The following RPS6KA2 variants were observed in gnomAD, a reference collection of about 807,000 sequenced individuals.
The protein encoded by RPS6KA2 is ribosomal protein S6 kinase A2.
A neutral mutation model predicts 91.8 loss-of-function variants in RPS6KA2; 42 were observed. The observed-to-expected ratio is 0.46, with a 90% CI of 0.36 to 0.59. The LOEUF (loss-of-function observed/expected upper bound fraction) is 0.59, where lower values mean the gene tolerates loss of function less well. Ranked by LOEUF, RPS6KA2 falls within the 20% of genes least tolerant of loss-of-function variation. The probability of loss-of-function intolerance (pLI) is 0.00; values close to 1 mark genes in which losing one functional copy is unlikely to be tolerated. For missense variants in RPS6KA2, 798 were observed against 978.5 expected, an observed-to-expected ratio of 0.82 and a Z score of 2.46; for synonymous variants, 414 against 393.6, an observed-to-expected ratio of 1.05 and a Z score of -0.61.
At chr6:166,628,214 C>T (rs9356495), upstream of RPS6KA2, among the ~76,000 whole-genome samples, 50,257 of 151,274 alleles carry the variant, frequency 0.33, 9,049 homozygotes, top group African/African-American at 0.47. Flanking sequence ...ACACTTTTTT[C>T]TTTTTTTTCC....
chr6:166,678,416 C>T (rs1788680162), intron 2 of RPS6KA2, among the ~76,000 whole-genome samples: 1 of 152,266 alleles, frequency 6.6e-6, no homozygotes, highest in African/African-American at 2.4e-5. Flanking sequence ...AGGTTGCCTT[C>T]TACAACAGCT....
At chr6:166,455,204 G>T (rs1320030346) in intron 12 of RPS6KA2, among the ~76,000 whole-genome samples, 1 of 152,142 alleles carries the variant, frequency 6.6e-6, no homozygotes, top group Non-Finnish European at 1.5e-5. Flanking sequence ...TGCGGCAGGT[G>T]TGTGGGGGTG....
rs1053773428 is a variant in RPS6KA2 at position 166,586,309 on chromosome 6, G to A, written c.99+40612C>T. ...CTGAACTGTCTGTTGTCTTGCAACC[G>A]ATTGCCTCTGTTTCTTTGGTTCCCA... On this transcript the variant is annotated intron_variant, in intron 1 of 20. Coordinates refer to ENST00000265678, the MANE Select transcript of RPS6KA2 (RefSeq NM_021135.6). The A allele has an allele frequency of 2.0e-5, 32 of 1,598,970 alleles. No homozygotes were observed. In the South Asian group the frequency reaches 2.2e-4, roughly 11 times the overall value.
intron 11 of RPS6KA2, among the ~76,000 whole-genome samples, chr6:166,461,513 A>AGAGAGATGGG (rs202187372): frequency 1.8e-5 from 2 of 112,486 alleles, no homozygotes; most frequent in Admixed American, 9.0e-5. Flanking sequence ...AGAGAGAGAG[A>AGAGAGATGGG]GAGAGATGGG....
rs1033872244 is a variant in RPS6KA2 at position 166,409,444 on chromosome 6, T to C, written c.*3318A>G. 2.6e-5 allele frequency: 4 copies of C among 152,398 alleles called. No homozygotes were observed. In the East Asian group the frequency reaches 7.7e-4, roughly 29 times the overall value. 9.4% of individuals were successfully genotyped at this position (152,398 alleles called of 1,614,324 possible). On this transcript the variant is annotated 3_prime_UTR_variant, in exon 21 of 21. Coordinates refer to ENST00000265678, the MANE Select transcript of RPS6KA2 (RefSeq NM_021135.6). ...ATCTATTCAGAAAGTCTGGAAAGCG[T>C]AATAAATATCTGTACAGTGGCCACC... is the stretch of plus-strand genomic sequence containing the variant.
chr6:166,660,557 C>T (rs932234532), intron 2 of RPS6KA2, among the ~76,000 whole-genome samples: 1 of 152,084 alleles, frequency 6.6e-6, no homozygotes, highest in African/African-American at 2.4e-5. Context: ...CAGCTCCTGC[C>T]TCATAAGGAT....
chr6:166,808,000 A>G (rs892168546), intron 2 of RPS6KA2, among the ~76,000 whole-genome samples: 3 of 151,732 alleles, frequency 2.0e-5, no homozygotes, highest in Non-Finnish European at 4.4e-5. Context: ...CCATGGCTCC[A>G]CTGATGCACC....
intron 14 of RPS6KA2, among the ~76,000 whole-genome samples, chr6:166,446,760 C>T (rs1217929981): frequency 6.6e-6 from 1 of 152,168 alleles, no homozygotes; most frequent in South Asian, 2.1e-4. Flanking sequence ...AAGGGCACCG[C>T]GGCTGCTGGG....
At chr6:166,566,639 G>T (rs1260078945) in intron 1 of RPS6KA2, among the ~76,000 whole-genome samples, 1 of 152,162 alleles carries the variant, frequency 6.6e-6, no homozygotes, top group East Asian at 1.9e-4. Flanking sequence ...AGGCCCATGG[G>T]TCTCTCACAC....
intron 2 of RPS6KA2, among the ~76,000 whole-genome samples, chr6:166,638,718 G>A (rs1787327447): frequency 6.6e-6 from 1 of 152,170 alleles, no homozygotes; most frequent in Admixed American, 6.5e-5. Flanking sequence ...GGGTCCCAGG[G>A]GACGTCTGGC....
In RPS6KA2 at chr6:166,788,327, C is replaced by T. The variant is rs541676083; in HGVS notation, c.123+69873G>A. ...GAAATATCATTTGACCCAGCAATCCCATTACTGGGTATAGACCCAAAGGAT... is the reference window on the plus strand; with the variant it reads ...GAAATATCATTTGACCCAGCAATCCTATTACTGGGTATAGACCCAAAGGAT... On this transcript the variant is annotated intron_variant, in intron 2 of 21. Transcript: ENST00000503859. Among the ~76,000 whole-genome samples the T allele has an allele frequency of 2.0e-5, 3 of 152,304 alleles. No individual in the cohort carries two copies. The East Asian group carries it at 5.8e-4, about 29-fold the overall frequency.
intron 3 of RPS6KA2, among the ~76,000 whole-genome samples, chr6:166,523,176 C>A (rs539392462): frequency 1.3e-5 from 2 of 152,170 alleles, no homozygotes; most frequent in African/African-American, 4.8e-5. Flanking sequence ...AAATCAGATG[C>A]CTGTTAGGTA....
chr6:166,815,973 T>C (rs1779750238), intron 2 of RPS6KA2, among the ~76,000 whole-genome samples: 1 of 152,214 alleles, frequency 6.6e-6, no homozygotes, highest in Non-Finnish European at 1.5e-5. Context: ...TCAAACCTAA[T>C]GCTGTTGATG....
rs1028005932 is a variant in RPS6KA2 at position 166,432,066 on chromosome 6, C to T, written c.1422+335G>A. Among the ~76,000 whole-genome samples, 4 of 152,264 alleles carry T rather than the reference C, an allele frequency of 2.6e-5. No homozygotes were observed. In the South Asian group the frequency reaches 8.3e-4, roughly 32 times the overall value. Reference sequence around the variant, plus strand: ...TGCTAGAATCAGTTTGGAGTTGGAGCGTGAGGAGGAAAATTGTCTCCTGTC... The same window carrying T: ...TGCTAGAATCAGTTTGGAGTTGGAGTGTGAGGAGGAAAATTGTCTCCTGTC... On this transcript the variant is annotated intron_variant, in intron 15 of 20. Coordinates refer to ENST00000265678, the MANE Select transcript of RPS6KA2 (RefSeq NM_021135.6).
intron 2 of RPS6KA2, among the ~76,000 whole-genome samples, chr6:166,673,093 C>A (rs1788519299): frequency 6.6e-6 from 1 of 152,134 alleles, no homozygotes; most frequent in Admixed American, 6.5e-5. Flanking sequence ...GGTGCACACT[C>A]ACTGTAAAGG....
intron 1 of RPS6KA2, among the ~76,000 whole-genome samples, chr6:166,539,272 G>T (rs967006938): frequency 5.3e-5 from 8 of 152,164 alleles, no homozygotes; most frequent in Admixed American, 5.2e-4. Flanking sequence ...TGTGCACCCT[G>T]TGGGCCTTCA....
At chr6:166,543,881 G>A (rs1338211547) in intron 1 of RPS6KA2, among the ~76,000 whole-genome samples, 1 of 143,974 alleles carries the variant, frequency 6.9e-6, no homozygotes, top group East Asian at 2.0e-4. Flanking sequence ...TGTGAGACAG[G>A]TCTTGTTCTG....
chr6:166,771,182 C>T (rs1422256616), intron 2 of RPS6KA2, among the ~76,000 whole-genome samples: 2 of 152,094 alleles, frequency 1.3e-5, no homozygotes, highest in Non-Finnish European at 2.9e-5. Context: ...GTCCCATCAC[C>T]AACCTCAAAG....
intron 1 of RPS6KA2, among the ~76,000 whole-genome samples, chr6:166,588,538 A>G (rs1213232835): frequency 6.6e-6 from 1 of 152,152 alleles, no homozygotes; most frequent in Non-Finnish European, 1.5e-5. Flanking sequence ...CGTCGCTGAG[A>G]CACCAGAATC....
Sources: gnomAD v4.1 joint callset for allele counts (sites outside exome capture counted in the v4.1 genomes callset) on GRCh38, gnomAD v4.1.1 for gene constraint, MANE v1.5 for transcripts, NCBI Gene and HGNC (gene_info 2026-07-23, HGNC 2026-07-21) for gene names.